Variants in DCUN1D3 observed in about 807,000 individuals in gnomAD.
DCUN1D3 encodes the protein DCN1-like protein 3.
DCUN1D3 carries 6 observed loss-of-function variants against 24.8 expected under a neutral mutation model. The observed-to-expected ratio is 0.24, with a 90% CI of 0.13 to 0.48. The LOEUF is 0.48. Among genes scored for constraint, DCUN1D3 ranks in the 20% least tolerant of loss-of-function variants. The probability of loss-of-function intolerance (pLI) is 0.99; values close to 1 mark genes in which losing one functional copy is unlikely to be tolerated. For synonymous variants in DCUN1D3, 120 were observed against 144.9 expected (o/e 0.83, Z 1.24); for missense variants, 258 against 379.4 (o/e 0.68, Z 2.66).
chr16:20,881,168 A>G lies in DCUN1D3; in HGVS notation c.-105-18525T>C, dbSNP rs115997893. On this transcript the variant is annotated intron_variant, in intron 1 of 2. Coordinates refer to ENST00000324344, the MANE Select transcript of DCUN1D3 (RefSeq NM_173475.4). ...ATATAAAGCCATGTACAACTCAAAG[A>G]AAAGTTCCATGAATATTTAACCTTT... Among the ~76,000 whole-genome samples, 1,051 of 152,328 alleles carry G rather than the reference A, an allele frequency of 6.9e-3. 20 individuals carry two copies. The highest frequency in any genetic ancestry group is 0.024 in the African/African-American group (986 of 41,570).
chr16:20,871,776 G>T (rs886561017), intron 1 of DCUN1D3, among the ~76,000 whole-genome samples: 2 of 152,266 alleles, frequency 1.3e-5, no homozygotes, highest in Non-Finnish European at 2.9e-5. Context: ...ACCCATACTT[G>T]AAATATTTTT....
rs936947216 is a variant in DCUN1D3, at chr16:20,862,659, A to G, written c.-105-16T>C. Reference sequence around the variant, plus strand: ...GCCAGCCAACCTGGAAGGAAATTAGAAAGCCATCACCTCTGGGTGGGGGAA... The same window carrying G: ...GCCAGCCAACCTGGAAGGAAATTAGGAAGCCATCACCTCTGGGTGGGGGAA... On this transcript the variant is annotated splice_polypyrimidine_tract_variant and intron_variant, in intron 1 of 2. Coordinates refer to ENST00000324344, the MANE Select transcript of DCUN1D3 (RefSeq NM_173475.4). The G allele has an allele frequency of 6.6e-7, 1 of 1,513,590 alleles. No homozygotes were observed. The highest frequency in any genetic ancestry group is 2.2e-5 in the Admixed American group (1 of 45,262). The allele number at this position is 1,513,590 out of a possible 1,614,324, so 93.8% of individuals were successfully genotyped here.
intron 1 of DCUN1D3, among the ~76,000 whole-genome samples, chr16:20,874,177 TTC>T (rs1262578379): frequency 2.6e-5 from 4 of 152,202 alleles, no homozygotes; most frequent in Non-Finnish European, 2.9e-5. Flanking sequence ...TTGCCAGATG[TTC>T]TGATTCATGG....
At chr16:20,879,224 C>T (rs566921014) in intron 1 of DCUN1D3, among the ~76,000 whole-genome samples, 1 of 152,294 alleles carries the variant, frequency 6.6e-6, no homozygotes, top group South Asian at 2.1e-4. Context: ...GGGTATCACA[C>T]TACCACATGA....
chr16:20,899,798 T>C (rs1445673455), intron 1 of DCUN1D3: 1 of 152,126 alleles, frequency 6.6e-6, no homozygotes, highest in Non-Finnish European at 1.5e-5. Context: ...GGGCTGTTAA[T>C]GATTAAAGAG....
chr16:20,879,917 T>C (rs752978486), intron 1 of DCUN1D3, among the ~76,000 whole-genome samples: 1 of 152,224 alleles, frequency 6.6e-6, no homozygotes, highest in Non-Finnish European at 1.5e-5. Flanking sequence ...TGCAAATCAA[T>C]TTGCTGACAC....
At chr16:20,872,300 A>G (rs1323033343) in intron 1 of DCUN1D3, among the ~76,000 whole-genome samples, 2 of 152,186 alleles carry the variant, frequency 1.3e-5, no homozygotes, top group African/African-American at 4.8e-5. Context: ...AAATGAGTCC[A>G]AAGACGACGA....
chr16:20,881,643 C>T (rs899054897), intron 1 of DCUN1D3, among the ~76,000 whole-genome samples: 1 of 152,054 alleles, frequency 6.6e-6, no homozygotes, highest in African/African-American at 2.4e-5. Flanking sequence ...TCCACAGCTA[C>T]TCTCGGAGGT....
At chr16:20,879,797 G>T (rs1382163843) in intron 1 of DCUN1D3, among the ~76,000 whole-genome samples, 2 of 152,202 alleles carry the variant, frequency 1.3e-5, no homozygotes, top group Non-Finnish European at 2.9e-5. Flanking sequence ...AGGCAGCCAA[G>T]ATTAACTCCT....
chr16:20,874,468 T>C (rs74014624), intron 1 of DCUN1D3, among the ~76,000 whole-genome samples: 7,300 of 152,270 alleles, frequency 0.048, 589 homozygotes, highest in African/African-American at 0.17. Flanking sequence ...CATCATCTTG[T>C]TCCCAAAGAG....
At chr16:20,861,559 G>A (rs1205331687) in intron 2 of DCUN1D3, among the ~76,000 whole-genome samples, 1 of 152,170 alleles carries the variant, frequency 6.6e-6, no homozygotes, top group Non-Finnish European at 1.5e-5. Context: ...GAACTGACAT[G>A]TAAAGGAGTA....
intron 1 of DCUN1D3, among the ~76,000 whole-genome samples, chr16:20,867,255 A>C (rs1392374648): frequency 1.3e-5 from 2 of 152,172 alleles, no homozygotes; most frequent in Admixed American, 6.5e-5. Flanking sequence ...TAGAGAGAAC[A>C]CATGACGGAC....
intron 1 of DCUN1D3, among the ~76,000 whole-genome samples, chr16:20,886,457 C>G (rs1374467924): frequency 6.6e-6 from 1 of 152,194 alleles, no homozygotes; most frequent in Non-Finnish European, 1.5e-5. Context: ...TGGTTCTGGA[C>G]TAAGCTCCTG....
intron 1 of DCUN1D3, among the ~76,000 whole-genome samples, chr16:20,893,658 C>G (rs527385020): frequency 6.6e-6 from 1 of 152,180 alleles, no homozygotes; most frequent in African/African-American, 2.4e-5. Flanking sequence ...GCAAAACCCC[C>G]TCATCCCTGC....
At position 20,856,736 on chromosome 16, in the gene DCUN1D3, G is replaced by GA. The variant is rs2081704546; in HGVS notation, c.*3149dup. On this transcript the variant is annotated 3_prime_UTR_variant, in exon 3 of 3. Coordinates refer to ENST00000324344, the MANE Select transcript of DCUN1D3 (RefSeq NM_173475.4). ...ACATTGAGATTTGGCAAAGATGGGGGAAAGAGCAATTCAATGAAGCAGCAC... is the reference window on the plus strand; with the variant it reads ...ACATTGAGATTTGGCAAAGATGGGGGAAAAGAGCAATTCAATGAAGCAGCAC... 1 of 152,146 alleles carries GA rather than the reference G, an allele frequency of 6.6e-6. No individual in the cohort carries two copies. The highest frequency in any genetic ancestry group is 2.4e-5 in the African/African-American group (1 of 41,438). 9.4% of individuals were successfully genotyped at this position (152,146 alleles called of 1,614,324 possible). A position where few individuals can be genotyped will look rare whatever the true frequency, so the allele number is the denominator to read the frequency against.
chr16:20,855,495 T>G lies in DCUN1D3; in HGVS notation c.*4391A>C, dbSNP rs1755958321. The stretch of plus-strand genomic sequence containing the variant: ...GATGGGTGGCGGAAGTAGGTATTTA[T>G]GAGATAGGCTGGGTTTCCAAGAAGA... On this transcript the variant is annotated 3_prime_UTR_variant, in exon 3 of 3. Coordinates refer to ENST00000324344, the MANE Select transcript of DCUN1D3 (RefSeq NM_173475.4). 6.6e-6 allele frequency: 1 copy of G among 152,228 alleles called. No individual in the cohort carries two copies. Among genetic ancestry groups the G allele is most frequent in the Non-Finnish European group, 1.5e-5 (1 of 68,056 alleles). The allele number at this position is 152,228 out of a possible 1,614,324, so 9.4% of individuals were successfully genotyped here. A position where few individuals can be genotyped will look rare whatever the true frequency, so the allele number is the denominator to read the frequency against.
intron 1 of DCUN1D3, chr16:20,896,212 G>C (rs1427057377): frequency 6.6e-6 from 1 of 152,092 alleles, no homozygotes; most frequent in African/African-American, 2.4e-5. Flanking sequence ...GGTTATAAAA[G>C]GTAACCCCAC....
intron 1 of DCUN1D3, 39 bp downstream of exon 1, chr16:20,900,165 C>T (rs1465317558): frequency 7.5e-6 from 1 of 133,302 alleles, no homozygotes; most frequent in African/African-American, 2.8e-5. Context: ...TCAATGCCCC[C>T]CCGCCTTTTC....
At chr16:20,861,406 C>G (rs1459604908) in intron 2 of DCUN1D3, among the ~76,000 whole-genome samples, 1 of 150,370 alleles carries the variant, frequency 6.7e-6, no homozygotes, top group Non-Finnish European at 1.5e-5. Context: ...TATCCCCTCC[C>G]CAGAGGCACT....
Sources: allele counts gnomAD v4.1 joint callset (sites outside exome capture counted in the v4.1 genomes callset), GRCh38; gene constraint gnomAD v4.1.1; transcripts MANE v1.5; gene names NCBI Gene and HGNC (gene_info 2026-07-23, HGNC 2026-07-21).